Variants in KCNJ6 observed in about 807,000 individuals in gnomAD.
KCNJ6 encodes potassium inwardly rectifying channel subfamily J member 6.
In KCNJ6, 9 loss-of-function variants were observed where a neutral mutation model predicts 34.2. That is an observed-to-expected ratio of 0.26 (90% CI 0.16 to 0.46). KCNJ6 has a LOEUF of 0.46. Among genes scored for constraint, KCNJ6 ranks in the 20% least tolerant of loss-of-function variants. The pLI is 1.00. For missense variants in KCNJ6, 236 were observed against 531.3 expected (o/e 0.44, Z 5.46); for synonymous variants, 196 against 207.1 (o/e 0.95, Z 0.46).
At chr21:37,902,271 A>C (rs1254074359) in intron 1 of KCNJ6, among the ~76,000 whole-genome samples, 1 of 152,246 alleles carries the variant, frequency 6.6e-6, no homozygotes, top group Non-Finnish European at 1.5e-5. Context: ...ACACAAATTT[A>C]TTCCTTCTCC....
chr21:37,879,674 G>T (rs1197521263), intron 1 of KCNJ6, among the ~76,000 whole-genome samples: 2 of 151,390 alleles, frequency 1.3e-5, no homozygotes, highest in Non-Finnish European at 2.9e-5. Context: ...TATGGAACTT[G>T]CCAGGTATCA....
intron 3 of KCNJ6, among the ~76,000 whole-genome samples, chr21:37,690,935 C>T (rs1220236337): frequency 6.6e-6 from 1 of 152,082 alleles, no homozygotes; most frequent in African/African-American, 2.4e-5. Flanking sequence ...GCATCTGCCA[C>T]CATACCCGGC....
chr21:37,791,673 T>C (rs946769332), intron 2 of KCNJ6, among the ~76,000 whole-genome samples: 4 of 152,256 alleles, frequency 2.6e-5, no homozygotes, highest in African/African-American at 9.6e-5. Flanking sequence ...ATTGGCCACC[T>C]GTCTTCCTTT....
intron 3 of KCNJ6, among the ~76,000 whole-genome samples, chr21:37,648,432 A>G (rs2054415726): frequency 6.6e-6 from 1 of 152,230 alleles, no homozygotes. Context: ...GGCACACGTT[A>G]TAGACATCAA....
At chr21:37,732,980 T>C (rs1166381969) in intron 2 of KCNJ6, among the ~76,000 whole-genome samples, 3 of 152,220 alleles carry the variant, frequency 2.0e-5, no homozygotes, top group Non-Finnish European at 4.4e-5. Flanking sequence ...GTATTTTCCC[T>C]GCTCTAACAA....
intron 1 of KCNJ6, among the ~76,000 whole-genome samples, chr21:37,847,447 A>G (rs1003153441): frequency 6.6e-6 from 1 of 152,160 alleles, no homozygotes; most frequent in African/African-American, 2.4e-5. Flanking sequence ...ACTGGTGAGA[A>G]GTCCTAGAAA....
intron 1 of KCNJ6, among the ~76,000 whole-genome samples, chr21:37,865,218 G>A (rs959783086): frequency 1.3e-5 from 2 of 152,200 alleles, no homozygotes; most frequent in African/African-American, 4.8e-5. Flanking sequence ...TGTAAAGTGT[G>A]TGTCTGGTGG....
At chr21:37,810,529 G>A (rs56816078) in intron 2 of KCNJ6, among the ~76,000 whole-genome samples, 28,103 of 152,086 alleles carry the variant, frequency 0.18, 4,047 homozygotes, top group East Asian at 0.43. Flanking sequence ...TTTTGCCACC[G>A]TTACCCACCT....
intron 2 of KCNJ6, among the ~76,000 whole-genome samples, chr21:37,735,744 C>T (rs547754441): frequency 2.0e-5 from 3 of 152,306 alleles, no homozygotes; most frequent in African/African-American, 7.2e-5. Flanking sequence ...CTGAATGAGG[C>T]CTGGAGCAGC....
chr21:37,773,021 A>G (rs1358756709), intron 2 of KCNJ6, among the ~76,000 whole-genome samples: 1 of 152,090 alleles, frequency 6.6e-6, no homozygotes, highest in Non-Finnish European at 1.5e-5. Context: ...ATCTTTTTCT[A>G]CTTCTCTAAC....
At chr21:37,712,560 CCCT>C (rs2054761669) in intron 3 of KCNJ6, among the ~76,000 whole-genome samples, 1 of 94,710 alleles carries the variant, frequency 1.1e-5, no homozygotes, top group African/African-American at 5.0e-5. Context: ...CTCCCTCCTC[CCCT>C]TCTCCTCCTC....
chr21:37,613,051 AATT>A lies in KCNJ6; in HGVS notation c.*12105_*12107del, dbSNP rs1393527241. 2 of 152,226 alleles carry A rather than the reference AATT, an allele frequency of 1.3e-5. No homozygotes were observed. Among genetic ancestry groups the A allele is most frequent in the Non-Finnish European group, 2.9e-5 (2 of 68,046 alleles). 9.4% of individuals were successfully genotyped at this position (152,226 alleles called of 1,614,324 possible). ...TTTACAGAAGACACATCTGATAAAG[AATT>A]ATTATCTAAAATTTACAAAGAACTT... On this transcript the variant is annotated 3_prime_UTR_variant, in exon 4 of 4. Coordinates refer to ENST00000609713, the MANE Select transcript of KCNJ6 (RefSeq NM_002240.5).
intron 1 of KCNJ6, among the ~76,000 whole-genome samples, chr21:37,914,208 C>T (rs2055882449): frequency 6.6e-6 from 1 of 152,150 alleles, no homozygotes. Flanking sequence ...GCTTCTTTGC[C>T]TCACGTAATT....
intron 2 of KCNJ6, among the ~76,000 whole-genome samples, chr21:37,809,738 T>G (rs1410086955): frequency 6.6e-6 from 1 of 152,186 alleles, no homozygotes; most frequent in Non-Finnish European, 1.5e-5. Flanking sequence ...TCAGCCTCCC[T>G]TGTAGTAGGT....
chr21:37,669,194 C>T (rs1427812969), intron 3 of KCNJ6, among the ~76,000 whole-genome samples: 3 of 152,180 alleles, frequency 2.0e-5, no homozygotes, highest in Non-Finnish European at 4.4e-5. Flanking sequence ...TCTTTGAATC[C>T]ACCTATGACC....
At chr21:37,643,465 C>T (rs897348470) in intron 3 of KCNJ6, among the ~76,000 whole-genome samples, 3 of 152,212 alleles carry the variant, frequency 2.0e-5, no homozygotes, top group Non-Finnish European at 4.4e-5. Flanking sequence ...GGCCCTGCCT[C>T]TACCCTTGCT....
intron 1 of KCNJ6, among the ~76,000 whole-genome samples, chr21:37,885,506 G>C (rs1306920260): frequency 6.6e-6 from 1 of 152,216 alleles, no homozygotes; most frequent in Non-Finnish European, 1.5e-5. Context: ...TGTGGGGGCA[G>C]ACCTGAGCAC....
chr21:37,873,753 G>A (rs2055664269), intron 1 of KCNJ6, among the ~76,000 whole-genome samples: 1 of 152,048 alleles, frequency 6.6e-6, no homozygotes, highest in African/African-American at 2.4e-5. Flanking sequence ...TGAAGACACA[G>A]CTTCCACCTT....
rs79582446 is a variant in KCNJ6 at position 37,797,913 on chromosome 21, A to G, written c.25+42745T>C. Among the ~76,000 whole-genome samples, 344 of 152,352 alleles carry G rather than the reference A, an allele frequency of 2.3e-3. 4 individuals are homozygous for G. In the East Asian group the frequency reaches 0.034, roughly 15 times the overall value. ...TGAGAATTTTGAGCTACTGAACTGG[A>G]CAAGTTACCTTTGGATTTTTTGTAG... On this transcript the variant is annotated intron_variant, in intron 2 of 3. Transcript: ENST00000609713.
Sources: gnomAD v4.1 joint callset for allele counts (sites outside exome capture counted in the v4.1 genomes callset) on GRCh38, gnomAD v4.1.1 for gene constraint, MANE v1.5 for transcripts, NCBI Gene and HGNC (gene_info 2026-07-23, HGNC 2026-07-21) for gene names.